The following STX8 variants were observed in gnomAD, a reference collection of about 807,000 sequenced individuals.
STX8 encodes syntaxin 8, also known as syntaxin-8.
Under a neutral mutation model 37.5 loss-of-function variants are expected in STX8, and 23 were observed. That is an observed-to-expected ratio of 0.61 (90% CI 0.44 to 0.87). The LOEUF (loss-of-function observed/expected upper bound fraction) is 0.87, where lower values mean the gene tolerates loss of function less well. Among genes scored for constraint, STX8 ranks in the 40% least tolerant of loss-of-function variants. The pLI, the probability that STX8 is intolerant of heterozygous loss-of-function variation, is 0.00. For missense variants in STX8, 313 were observed against 284.7 expected, an observed-to-expected ratio of 1.10 and a Z score of -0.71; for synonymous variants, 115 against 99.1, an observed-to-expected ratio of 1.16 and a Z score of -0.95.
intron 7 of STX8, among the ~76,000 whole-genome samples, chr17:9,360,329 G>A (rs1597624098): frequency 6.8e-6 from 1 of 147,970 alleles, no homozygotes; most frequent in South Asian, 2.1e-4. Flanking sequence ...CTGCCTCCCG[G>A]GTTCAAGCGA....
chr17:9,300,909 T>C (rs1908753607), intron 7 of STX8, among the ~76,000 whole-genome samples: 1 of 139,914 alleles, frequency 7.1e-6, no homozygotes, highest in Admixed American at 8.1e-5. Context: ...CTCGGCTCAC[T>C]GCAAACTCCA....
intron 4 of STX8, among the ~76,000 whole-genome samples, chr17:9,522,543 A>AC (rs1905392673): frequency 1.4e-3 from 157 of 109,254 alleles, no homozygotes; most frequent in Non-Finnish European, 1.9e-3. Flanking sequence ...TAAAAATCCA[A>AC]AAAAAAAAAA....
intron 2 of STX8, among the ~76,000 whole-genome samples, chr17:9,558,860 C>T (rs1249244414): frequency 6.6e-6 from 1 of 150,798 alleles, no homozygotes; most frequent in South Asian, 2.1e-4. Flanking sequence ...AACAAGCAAA[C>T]AAAAAGGCGC....
At chr17:9,272,870 G>A (rs954841440) in intron 7 of STX8, among the ~76,000 whole-genome samples, 2 of 152,062 alleles carry the variant, frequency 1.3e-5, no homozygotes, top group East Asian at 1.9e-4. Flanking sequence ...CCTTCCTCAC[G>A]CCCCTCTTTC....
At chr17:9,515,617 A>G (rs1905138646) in intron 4 of STX8, among the ~76,000 whole-genome samples, 1 of 152,054 alleles carries the variant, frequency 6.6e-6, no homozygotes, top group Non-Finnish European at 1.5e-5. Flanking sequence ...TGACCTCCAG[A>G]GCTCAAGGGA....
chr17:9,329,914 T>TA (rs1336177427), intron 7 of STX8, among the ~76,000 whole-genome samples: 1 of 148,798 alleles, frequency 6.7e-6, no homozygotes, highest in Non-Finnish European at 1.5e-5. Flanking sequence ...TCAGAGGGCC[T>TA]AGGGTCAGAT....
chr17:9,374,536 C>G (rs1943420877), intron 7 of STX8, among the ~76,000 whole-genome samples: 1 of 151,962 alleles, frequency 6.6e-6, no homozygotes, highest in African/African-American at 2.4e-5. Flanking sequence ...CTTGACTGAC[C>G]CCCGTACAGC....
At chr17:9,400,378 G>A (rs1912563983) in intron 6 of STX8, among the ~76,000 whole-genome samples, 1 of 151,654 alleles carries the variant, frequency 6.6e-6, no homozygotes, top group Non-Finnish European at 1.5e-5. Flanking sequence ...GGGGTTACAG[G>A]TGTGAGCCAC....
chr17:9,354,174 T>C (rs1002904937), intron 7 of STX8, among the ~76,000 whole-genome samples: 2 of 152,196 alleles, frequency 1.3e-5, no homozygotes, highest in African/African-American at 4.8e-5. Context: ...CCATCTACCC[T>C]ATAGTTGAAT....
chr17:9,390,714 G>A (rs1433772237), intron 6 of STX8, among the ~76,000 whole-genome samples: 2 of 150,250 alleles, frequency 1.3e-5, no homozygotes, highest in African/African-American at 2.5e-5. Flanking sequence ...GTGGGCACCT[G>A]TAGTCCCAGC....
Position 9,557,225 on chromosome 17 carries a change from C to T in STX8, c.212+209G>A, listed in dbSNP as rs1907015740. Reference sequence around the variant, plus strand: ...CAGGTTATACCCAAATAAGTTAATTCCCTCGGTAGGTCTTGCTTTGCCAGC... The same window carrying T: ...CAGGTTATACCCAAATAAGTTAATTTCCTCGGTAGGTCTTGCTTTGCCAGC... On this transcript the variant is annotated intron_variant, in intron 3 of 7. Coordinates refer to ENST00000306357, the MANE Select transcript of STX8 (RefSeq NM_004853.3). 3 of 496,250 alleles carry T rather than the reference C, an allele frequency of 6.0e-6. No homozygotes were observed. In the South Asian group the frequency reaches 6.2e-5, roughly 10 times the overall value. 30.7% of individuals were successfully genotyped at this position (496,250 alleles called of 1,614,324 possible). A position where few individuals can be genotyped will look rare whatever the true frequency, so the allele number is the denominator to read the frequency against.
At position 9,384,794 on chromosome 17, in the gene STX8, TTG is replaced by T. The variant is rs59655296; in HGVS notation, c.542-6143_542-6142del. Among the ~76,000 whole-genome samples, 985 of 147,298 alleles carry T rather than the reference TTG, an allele frequency of 6.7e-3. 5 individuals are homozygous for T. The highest frequency in any genetic ancestry group is 0.018 in the Middle Eastern group (5 of 280). On this transcript the variant is annotated intron_variant, in intron 6 of 7. Coordinates refer to ENST00000306357, the MANE Select transcript of STX8 (RefSeq NM_004853.3). Reference sequence around the variant, plus strand: ...GGAACAAAACAGAGTCCAGATAGACTTGTGTGTGTGTGTGTGTGTGTGTGTAC... The same window carrying T: ...GGAACAAAACAGAGTCCAGATAGACTTGTGTGTGTGTGTGTGTGTGTGTAC...
intron 6 of STX8, among the ~76,000 whole-genome samples, chr17:9,425,668 T>C (rs1412804236): frequency 6.6e-6 from 1 of 152,222 alleles, no homozygotes; most frequent in Non-Finnish European, 1.5e-5. Flanking sequence ...TTATCTTCAG[T>C]AATAGTTGCA....
chr17:9,310,156 AC>A (rs1240615375), intron 7 of STX8, among the ~76,000 whole-genome samples: 2 of 152,036 alleles, frequency 1.3e-5, no homozygotes, highest in Non-Finnish European at 2.9e-5. Flanking sequence ...GGGAAAAAAA[AC>A]AACATACAAA....
At chr17:9,542,907 C>G (rs112495503) in intron 4 of STX8, among the ~76,000 whole-genome samples, 9 of 152,012 alleles carry the variant, frequency 5.9e-5, no homozygotes, top group Non-Finnish European at 1.2e-4. Context: ...CAGAGATGAT[C>G]AGAGAAGAGG....
chr17:9,298,668 CG>C (rs1908655520), intron 7 of STX8, among the ~76,000 whole-genome samples: 1 of 152,008 alleles, frequency 6.6e-6, no homozygotes, highest in Admixed American at 6.6e-5. Flanking sequence ...AAAAATTAGC[CG>C]GGTGTGGTGG....
Position 9,538,498 on chromosome 17 carries a change from T to G in STX8, c.323+6674A>C, listed in dbSNP as rs183958097. Among the ~76,000 whole-genome samples, 568 of 152,334 alleles carry G rather than the reference T, an allele frequency of 3.7e-3. 1 individual carries two copies. The highest frequency in any genetic ancestry group is 5.6e-3 in the Non-Finnish European group (383 of 68,026). ...TTTAATGTTAGAATTTAATGTAAAT[T>G]TTTCTTTTGCCCATCTTGGCTACCG... On this transcript the variant is annotated intron_variant, in intron 4 of 7. Coordinates refer to ENST00000306357, the MANE Select transcript of STX8 (RefSeq NM_004853.3).
At chr17:9,466,964 C>T (rs1377741745) in intron 6 of STX8, 1 of 152,320 alleles carries the variant, frequency 6.6e-6, no homozygotes, top group African/African-American at 2.4e-5. Context: ...GATCTTGGCT[C>T]ACTGCAACCT....
At chr17:9,468,781 G>A (rs1333143229) in intron 6 of STX8, among the ~76,000 whole-genome samples, 4 of 152,142 alleles carry the variant, frequency 2.6e-5, no homozygotes, top group African/African-American at 9.7e-5. Flanking sequence ...TATAAGCCCA[G>A]CAATGTGAAT....
Sources: allele counts gnomAD v4.1 joint callset (sites outside exome capture counted in the v4.1 genomes callset), GRCh38; gene constraint gnomAD v4.1.1; transcripts MANE v1.5; gene names NCBI Gene and HGNC (gene_info 2026-07-23, HGNC 2026-07-21).